Variants in CCDC102B observed in about 807,000 individuals in gnomAD.
The protein encoded by CCDC102B is coiled-coil domain-containing protein 102B.
A neutral mutation model predicts 57.4 loss-of-function variants in CCDC102B; 75 were observed. The ratio of observed to expected loss-of-function variants is 1.31; its 90% CI spans 1.08 to 1.58. The LOEUF is 1.58. CCDC102B is among the 40% of genes most tolerant of loss of function. The probability of loss-of-function intolerance (pLI) is 0.00; values close to 1 mark genes in which losing one functional copy is unlikely to be tolerated. For synonymous variants in CCDC102B, 206 were observed against 201.9 expected, an observed-to-expected ratio of 1.02 and a Z score of -0.17; for missense variants, 636 against 582.6, an observed-to-expected ratio of 1.09 and a Z score of -0.94.
At chr18:68,845,435 T>C (rs527678829) in intron 3 of CCDC102B, among the ~76,000 whole-genome samples, 3 of 151,916 alleles carry the variant, frequency 2.0e-5, no homozygotes, top group African/African-American at 7.2e-5. Flanking sequence ...CTCAAACATA[T>C]AAGTTGTTTT....
At chr18:68,928,813 G>A (rs1166575661) in intron 6 of CCDC102B, among the ~76,000 whole-genome samples, 1 of 151,776 alleles carries the variant, frequency 6.6e-6, no homozygotes, top group East Asian at 1.9e-4. Flanking sequence ...TGCTTTTCTT[G>A]GCAGCTGGAT....
intron 2 of CCDC102B, 82 bp downstream of exon 2, chr18:68,837,451 A>C: frequency 7.5e-7 from 1 of 1,341,446 alleles, no homozygotes; most frequent in Non-Finnish European, 1.0e-6. Flanking sequence ...GACAAATGCA[A>C]TGGTGATTAT....
intron 2 of CCDC102B, chr18:68,754,603 G>C (rs748956): frequency 0.27 from 41,497 of 151,868 alleles, 6,470 homozygotes; most frequent in East Asian, 0.53. Flanking sequence ...CTCCAGCCTG[G>C]GTGACAGAGT....
At chr18:68,970,028 C>G (rs190325498) in intron 6 of CCDC102B, among the ~76,000 whole-genome samples, 6 of 152,090 alleles carry the variant, frequency 3.9e-5, no homozygotes, top group African/African-American at 1.4e-4. Flanking sequence ...AATCCATCAG[C>G]CATGGTTGTT....
intron 2 of CCDC102B, among the ~76,000 whole-genome samples, chr18:68,724,454 G>A (rs562523326): frequency 6.6e-6 from 1 of 152,202 alleles, no homozygotes; most frequent in African/African-American, 2.4e-5. Context: ...CCTCTTGATT[G>A]CTTTGCTCCT....
chr18:69,036,165 G>T (rs954817689), intron 7 of CCDC102B, among the ~76,000 whole-genome samples: 1 of 152,074 alleles, frequency 6.6e-6, no homozygotes, highest in Non-Finnish European at 1.5e-5. Context: ...TTAGTCTGCA[G>T]CATCTAACAG....
intron 5 of CCDC102B, among the ~76,000 whole-genome samples, chr18:68,884,426 A>G (rs1218308144): frequency 1.3e-5 from 2 of 152,118 alleles, no homozygotes; most frequent in Admixed American, 1.3e-4. Context: ...AAAGAAAAAT[A>G]TTGCATATTC....
intron 6 of CCDC102B, chr18:68,897,630 AT>A: frequency 6.6e-7 from 1 of 1,512,750 alleles, no homozygotes; most frequent in Non-Finnish European, 8.9e-7. Flanking sequence ...ATGTTAAAAT[AT>A]GACAAATCTT....
chr18:68,802,954 A>G (rs1325191123), intron 1 of CCDC102B, among the ~76,000 whole-genome samples: 1 of 152,194 alleles, frequency 6.6e-6, no homozygotes, highest in Non-Finnish European at 1.5e-5. Flanking sequence ...AAATAAATGT[A>G]AATCTTCATC....
chr18:68,757,664 C>T (rs1231718289), intron 2 of CCDC102B, among the ~76,000 whole-genome samples: 1 of 152,074 alleles, frequency 6.6e-6, no homozygotes, highest in Non-Finnish European at 1.5e-5. Context: ...ACACATTAAA[C>T]ATTACATAGT....
chr18:69,033,704 G>GT (rs367928145), intron 7 of CCDC102B, among the ~76,000 whole-genome samples: 39 of 150,670 alleles, frequency 2.6e-4, no homozygotes, highest in South Asian at 2.5e-3. Context: ...GTAGATGTAT[G>GT]TTTTTTTTTC....
chr18:68,803,277 G>C (rs2035917179), intron 1 of CCDC102B, among the ~76,000 whole-genome samples: 2 of 152,084 alleles, frequency 1.3e-5, no homozygotes, highest in South Asian at 2.1e-4. Flanking sequence ...TCTAGCAATG[G>C]AAATAGAGAT....
intron 7 of CCDC102B, among the ~76,000 whole-genome samples, chr18:69,041,577 C>T (rs1410392067): frequency 6.6e-6 from 1 of 152,054 alleles, no homozygotes; most frequent in Non-Finnish European, 1.5e-5. Context: ...TTGAACAAAA[C>T]CCTAACTCCT....
intron 2 of CCDC102B, among the ~76,000 whole-genome samples, chr18:68,792,592 C>G (rs1439453230): frequency 6.6e-6 from 1 of 152,172 alleles, no homozygotes; most frequent in African/African-American, 2.4e-5. Context: ...GTGTTTGTGA[C>G]GTACTGTTTT....
At chr18:68,899,635 C>T (rs2040367585) in intron 6 of CCDC102B, 1 of 152,106 alleles carries the variant, frequency 6.6e-6, no homozygotes, top group Non-Finnish European at 1.5e-5. Flanking sequence ...ATCATATTTA[C>T]CAAAGGTTTG....
At chr18:68,889,220 A>T (rs56155054) in intron 5 of CCDC102B, among the ~76,000 whole-genome samples, 1,673 of 152,280 alleles carry the variant, frequency 0.011, 31 homozygotes, top group African/African-American at 0.038. Flanking sequence ...TGATTAGGTC[A>T]CGAGAGCAGA....
intron 6 of CCDC102B, among the ~76,000 whole-genome samples, chr18:68,911,085 G>GTACA (rs984249171): frequency 2.6e-5 from 4 of 152,148 alleles, no homozygotes; most frequent in African/African-American, 9.7e-5. Flanking sequence ...CCATTACCAG[G>GTACA]TACATACCCA....
chr18:68,745,044 C>G (rs1211492076), intron 2 of CCDC102B, among the ~76,000 whole-genome samples: 2 of 152,112 alleles, frequency 1.3e-5, no homozygotes, highest in East Asian at 3.9e-4. Context: ...ACCATCAGGG[C>G]AGACCTATTC....
chr18:68,863,789 C>G (rs777480857), intron 4 of CCDC102B, among the ~76,000 whole-genome samples: 1 of 151,882 alleles, frequency 6.6e-6, no homozygotes, highest in South Asian at 2.1e-4. Context: ...ATCTATTACT[C>G]TCTTATCCTT....
Sources: gnomAD v4.1 joint callset for allele counts (sites outside exome capture counted in the v4.1 genomes callset) on GRCh38, gnomAD v4.1.1 for gene constraint, MANE v1.5 for transcripts, NCBI Gene and HGNC (gene_info 2026-07-23, HGNC 2026-07-21) for gene names.